The following DMAC2L variants were observed in gnomAD, a reference collection of about 807,000 sequenced individuals.
The protein encoded by DMAC2L is distal membrane arm assembly component 2 like.
A neutral mutation model predicts 22.5 loss-of-function variants in DMAC2L; 21 were observed. The observed-to-expected ratio is 0.93, with a 90% CI of 0.66 to 1.34. The LOEUF is 1.34. Among genes scored for constraint, DMAC2L ranks in the 40% most tolerant of loss-of-function variants. DMAC2L has a pLI of 0.00. For missense variants in DMAC2L, 239 were observed against 246.5 expected (o/e 0.97, Z 0.20); for synonymous variants, 86 against 89.5 (o/e 0.96, Z 0.22).
chr14:50,314,541 G>A (rs998988193), intron 1 of DMAC2L, 50 bp from the exon 2 acceptor site: 23 of 455,916 alleles, frequency 5.0e-5, no homozygotes, highest in African/African-American at 4.2e-4. Context: ...TCAAGCAGCT[G>A]TGAACATGAG....
Position 50,321,557 on chromosome 14 carries a change from A to T in DMAC2L, c.70A>T (p.Arg24Ter), listed in dbSNP as rs2139305667. The change falls in exon 3 of 6, where the codon AGA becomes TGA. Residue 24 changes from arginine to a stop codon, truncating the protein, a stop_gained. Coordinates refer to ENST00000557421, the MANE Select transcript of DMAC2L (RefSeq NM_001382507.1). LOFTEE classifies it high-confidence loss of function. ...VKKLPWSCDS[R>*]YFWGWLNAVF... ...GAAACTCCCATGGTCATGTGACTCC[A>T]GATACTTCTGGGGCTGGTTGAATGC... is the stretch of plus-strand genomic sequence containing the variant. The T allele has an allele frequency of 6.2e-7, 1 of 1,614,104 alleles. No homozygotes were observed. Among genetic ancestry groups the T allele is most frequent in the South Asian group, 1.1e-5 (1 of 91,084 alleles).
At chr14:50,323,602 C>T (rs1047657269) in intron 4 of DMAC2L, among the ~76,000 whole-genome samples, 13 of 151,514 alleles carry the variant, frequency 8.6e-5, no homozygotes, top group African/African-American at 2.9e-4. Flanking sequence ...CCGTGTTGAC[C>T]AGGCTGGTCT....
upstream of DMAC2L, among the ~76,000 whole-genome samples, chr14:50,311,661 T>G (rs145899712): frequency 6.6e-6 from 1 of 152,288 alleles, no homozygotes; most frequent in East Asian, 1.9e-4. Context: ...GTGTGCTAGG[T>G]CCTTTTATCC....
rs1487292801 is a variant in DMAC2L, at chr14:50,325,755, A to C, written c.*32A>C. ...GTGTCTTATTTCAGTATAAAGGATC[A>C]TTTGAAACTGTTGATTCCAAACATC... On this transcript the variant is annotated 3_prime_UTR_variant, in exon 6 of 6. Coordinates refer to ENST00000557421, the MANE Select transcript of DMAC2L (RefSeq NM_001382507.1). The C allele has an allele frequency of 6.3e-7, 1 of 1,588,000 alleles. No homozygotes were observed. The highest frequency in any genetic ancestry group is 1.4e-5 in the African/African-American group (1 of 73,686).
chr14:50,325,878 A>T lies in DMAC2L; in HGVS notation c.*155A>T, dbSNP rs984520487. 1.6e-5 allele frequency: 21 copies of T among 1,298,666 alleles called. No individual in the cohort carries two copies. Among genetic ancestry groups the T allele is most frequent in the Middle Eastern group, 3.0e-4 (1 of 3,330 alleles). 80.4% of individuals were successfully genotyped at this position (1,298,666 alleles called of 1,614,324 possible). A position where few individuals can be genotyped will look rare whatever the true frequency, so the allele number is the denominator to read the frequency against. On this transcript the variant is annotated 3_prime_UTR_variant, in exon 6 of 6. Transcript: ENST00000557421. ...TCATATGTAGAAAATAAATATTCAG[A>T]CGTGGCTCATTAATGTTACTAAGTT...
intron 1 of DMAC2L, 76 bp downstream of exon 1, chr14:50,312,465 G>A (rs900650478): frequency 1.1e-5 from 5 of 457,418 alleles, no homozygotes; most frequent in Non-Finnish European, 1.6e-5. Flanking sequence ...CGTCGCCAAC[G>A]CTGGGCTGAC....
chr14:50,312,170 C>G (rs780582737), upstream of DMAC2L: 26 of 1,608,280 alleles, frequency 1.6e-5, no homozygotes, highest in Non-Finnish European at 2.2e-5. Context: ...ACGCTCCCCT[C>G]CCTCAGCGCT....
upstream of DMAC2L, among the ~76,000 whole-genome samples, chr14:50,311,737 T>C (rs1319509240): frequency 6.6e-6 from 1 of 152,172 alleles, no homozygotes; most frequent in African/African-American, 2.4e-5. Flanking sequence ...GGAGGTTAAG[T>C]AACTAGCCCA....
upstream of DMAC2L, chr14:50,312,241 C>A: frequency 3.3e-6 from 5 of 1,527,888 alleles, no homozygotes; most frequent in South Asian, 3.5e-5. Context: ...CCGCCCCTCA[C>A]GCGGGGGCCA....
chr14:50,312,910 C>T (rs2031380348), intron 1 of DMAC2L: 1 of 1,159,200 alleles, frequency 8.6e-7, no homozygotes, highest in Non-Finnish European at 1.3e-6. Context: ...GGAGCGCCTG[C>T]TCTGTACTCG....
chr14:50,312,226 T>C (rs1407655711), upstream of DMAC2L: 2 of 1,571,294 alleles, frequency 1.3e-6, no homozygotes, highest in South Asian at 1.1e-5. Context: ...CCGCGCTCTT[T>C]AGCCCCGCCC....
chr14:50,326,368 T>C lies in DMAC2L; in HGVS notation c.*645T>C. ...ATTTGTACAACAGATGTTTTTATTA[T>C]AACAGTAATTTACATTTAACTTTAA... On this transcript the variant is annotated 3_prime_UTR_variant, in exon 6 of 6. Coordinates refer to ENST00000557421, the MANE Select transcript of DMAC2L (RefSeq NM_001382507.1). The C allele has an allele frequency of 1.1e-6, 1 of 886,070 alleles. No individual in the cohort carries two copies. Among genetic ancestry groups the C allele is most frequent in the Non-Finnish European group, 1.4e-6 (1 of 739,480 alleles). The allele number at this position is 886,070 out of a possible 1,614,324, so 54.9% of individuals were successfully genotyped here.
intron 2 of DMAC2L, among the ~76,000 whole-genome samples, chr14:50,321,154 G>C (rs2032233408): frequency 6.6e-6 from 1 of 152,112 alleles, no homozygotes; most frequent in African/African-American, 2.4e-5. Context: ...GGGAATAGAG[G>C]AGCCAGCTTC....
intron 1 of DMAC2L, among the ~76,000 whole-genome samples, chr14:50,314,325 T>C (rs140671385): frequency 1.3e-3 from 203 of 152,368 alleles, no homozygotes; most frequent in Admixed American, 3.8e-3. Flanking sequence ...GCCATCCATG[T>C]AAGATGTGAC....
chr14:50,314,970 CTTAT>C (rs1342460808), intron 2 of DMAC2L, among the ~76,000 whole-genome samples: 2 of 147,554 alleles, frequency 1.4e-5, no homozygotes, highest in South Asian at 4.3e-4. Flanking sequence ...TATTTATTTG[CTTAT>C]TTATTTTTTT....
At chr14:50,322,753 CA>C (rs1245142358) in intron 4 of DMAC2L, 34 bp downstream of exon 4, 2 of 1,613,622 alleles carry the variant, frequency 1.2e-6, no homozygotes, top group Non-Finnish European at 1.7e-6. Flanking sequence ...ATAGAAAATG[CA>C]GATGATTTGC....
intron 4 of DMAC2L, among the ~76,000 whole-genome samples, chr14:50,323,720 G>A (rs1476923487): frequency 6.6e-6 from 1 of 152,294 alleles, no homozygotes; most frequent in Non-Finnish European, 1.5e-5. Context: ...TTCCTCCAGT[G>A]TGTGGGCATC....
intron 2 of DMAC2L, among the ~76,000 whole-genome samples, chr14:50,318,055 C>T (rs1000138062): frequency 6.6e-6 from 1 of 152,034 alleles, no homozygotes; most frequent in African/African-American, 2.4e-5. Flanking sequence ...CATTTATTGA[C>T]TTGTGTATGT....
At chr14:50,312,260 G>T, upstream of DMAC2L, 1 of 1,482,916 alleles carries the variant, frequency 6.7e-7, no homozygotes. Flanking sequence ...CAATGAAGTG[G>T]CGCGCCTTCG....
Sources: gnomAD v4.1 joint callset for allele counts (sites outside exome capture counted in the v4.1 genomes callset) on GRCh38, gnomAD v4.1.1 for gene constraint, MANE v1.5 for transcripts, NCBI Gene and HGNC (gene_info 2026-07-23, HGNC 2026-07-21) for gene names.